Variants in PTPN11 observed in about 807,000 individuals in gnomAD.
PTPN11 encodes the protein protein tyrosine phosphatase non-receptor type 11, also known as tyrosine-protein phosphatase non-receptor type 11.
In PTPN11, 6 loss-of-function variants were observed where a neutral mutation model predicts 78.8. That is an observed-to-expected ratio of 0.08 (90% CI 0.04 to 0.15). The LOEUF (loss-of-function observed/expected upper bound fraction) is 0.15, where lower values mean the gene tolerates loss of function less well. Among genes scored for constraint, PTPN11 ranks in the 10% least tolerant of loss-of-function variants. The pLI, the probability that PTPN11 is intolerant of heterozygous loss-of-function variation, is 1.00. For synonymous variants in PTPN11, 221 were observed against 263.5 expected (o/e 0.84, Z 1.56); for missense variants, 386 against 744.8 (o/e 0.52, Z 5.61).
In PTPN11 at chr12:112,477,695, C is replaced by T. The variant is rs888674339; in HGVS notation, c.898C>T (p.Pro300Ser). ...VVLHDGDPNE[P>S]VSDYINANII... Reference sequence around the variant, plus strand: ...CCTACACGATGGTGATCCCAATGAGCCTGTTTCAGATTACATCAATGCAAA... The same window carrying T: ...CCTACACGATGGTGATCCCAATGAGTCTGTTTCAGATTACATCAATGCAAA... Residue 300 changes from proline (P) to serine (S), a missense_variant, in exon 8 of 16, where the codon CCT becomes TCT. Physicochemically the swap from Pro to Ser is moderately conservative, Grantham distance 74 (BLOSUM62 -1). This residue lies in a region of PTPN11 where 279 missense variants were observed against 503.3 expected (regional missense o/e 0.55). Coordinates refer to ENST00000351677, the MANE Select transcript of PTPN11 (RefSeq NM_002834.5). 6.2e-7 allele frequency: 1 copy of T among 1,613,432 alleles called. No homozygotes were observed. The highest frequency in any genetic ancestry group is 8.5e-7 in the Non-Finnish European group (1 of 1,179,544).
At chr12:112,455,899 C>T (rs374084684) in intron 5 of PTPN11, 51 bp from the exon 6 acceptor site, 47 of 1,071,392 alleles carry the variant, frequency 4.4e-5, no homozygotes, top group Admixed American at 4.0e-4. Context: ...GCATTAACAC[C>T]GTTTTCTGTA....
intron 7 of PTPN11, 119 bp downstream of exon 7, chr12:112,473,159 T>C (rs1452636647): frequency 1.2e-6 from 1 of 809,590 alleles, no homozygotes; most frequent in Non-Finnish European, 2.1e-6. Flanking sequence ...TTAGCTTCTT[T>C]AATTGCAAGC....
intron 2 of PTPN11, among the ~76,000 whole-genome samples, chr12:112,447,350 G>A (rs988492175): frequency 1.1e-4 from 17 of 151,950 alleles, no homozygotes; most frequent in African/African-American, 3.6e-4. Context: ...CTTCCTGAAC[G>A]TGTTTTTATA....
At position 112,504,690 on chromosome 12, in the gene PTPN11, T is replaced by A. The variant is rs876657964; in HGVS notation, c.1713-5T>A. ...TAAATGTCTTTCTTTTTCTTTTCTC[T>A]CCAGAATGAGAGAAGACAGTGCTAG... On this transcript the variant is annotated splice_polypyrimidine_tract_variant and splice_region_variant and intron_variant, in intron 14 of 15. Coordinates refer to ENST00000351677, the MANE Select transcript of PTPN11 (RefSeq NM_002834.5). The surrounding 1 kb of genome is among the most constrained non-coding windows in gnomAD (Gnocchi z 4.7). The A allele has an allele frequency of 1.9e-6, 3 of 1,562,832 alleles. No individual in the cohort carries two copies. The African/African-American group carries it at 4.1e-5, about 21-fold the overall frequency.
chr12:112,487,163 C>G (rs1226423006), intron 11 of PTPN11, among the ~76,000 whole-genome samples: 1 of 146,352 alleles, frequency 6.8e-6, no homozygotes, highest in African/African-American at 2.5e-5. Flanking sequence ...GAGACAGAGT[C>G]TTGTTTTGTT....
chr12:112,471,545 G>A (rs1263633610), intron 6 of PTPN11, among the ~76,000 whole-genome samples: 1 of 151,264 alleles, frequency 6.6e-6, no homozygotes, highest in African/African-American at 2.4e-5. Context: ...ATAGATCACA[G>A]CTGTTATTTG....
intron 10 of PTPN11, among the ~76,000 whole-genome samples, chr12:112,485,767 A>G (rs1183329042): frequency 6.6e-6 from 1 of 152,158 alleles, no homozygotes; most frequent in Non-Finnish European, 1.5e-5. Context: ...ACCTGAGGTC[A>G]GGAGTTTGCA....
intron 13 of PTPN11, among the ~76,000 whole-genome samples, chr12:112,494,444 A>G (rs140979880): frequency 1.3e-5 from 2 of 152,050 alleles, no homozygotes; most frequent in East Asian, 1.9e-4. Flanking sequence ...ATTCATGTCT[A>G]TCAGAATGGG....
chr12:112,487,519 A>G lies in PTPN11; in HGVS notation c.1379+890A>G, dbSNP rs192874473. On this transcript the variant is annotated intron_variant, in intron 11 of 15. Transcript: ENST00000351677. ...CAAGATTCCAGCTGCTTTTCCACCAAGGCCTTTGATGGAAGCTGTGCTGTG... is the reference window on the plus strand; with the variant it reads ...CAAGATTCCAGCTGCTTTTCCACCAGGGCCTTTGATGGAAGCTGTGCTGTG... 2.3e-3 allele frequency among the ~76,000 whole-genome samples: 354 copies of G among 152,170 alleles called. 1 individual carries two copies. The highest frequency in any genetic ancestry group is 7.9e-3 in the African/African-American group (326 of 41,510).
At chr12:112,462,134 G>A (rs2038257192) in intron 6 of PTPN11, among the ~76,000 whole-genome samples, 1 of 152,152 alleles carries the variant, frequency 6.6e-6, no homozygotes, top group East Asian at 1.9e-4. Flanking sequence ...AAGAAGGGAG[G>A]ATCGCTGGAC....
intron 1 of PTPN11, among the ~76,000 whole-genome samples, chr12:112,429,077 C>G (rs2135831963): frequency 6.6e-6 from 1 of 152,286 alleles, no homozygotes. Context: ...AATGTAGAGA[C>G]AGCTCCAGAG....
rs758194931 is a variant in PTPN11 at position 112,453,294 on chromosome 12, T to C, written c.432T>C (p.Pro144=). 2 of 1,614,024 alleles carry C rather than the reference T, an allele frequency of 1.2e-6. No homozygotes were observed. Among genetic ancestry groups the C allele is most frequent in the Non-Finnish European group, 1.7e-6 (2 of 1,180,004 alleles). ...TTGTACGAGAGAGCCAGAGCCACCC[T>C]GGAGATTTTGTTCTTTCTGTGCGCA... ...SFLVRESQSH[P]GDFVLSVRTG... is the part of the protein sequence containing the mutation. Residue 144 remains proline (P), a synonymous_variant, in exon 4 of 16, where the codon CCT becomes CCC. Coordinates refer to ENST00000351677, the MANE Select transcript of PTPN11 (RefSeq NM_002834.5).
At chr12:112,456,888 T>G (rs1205569627) in intron 6 of PTPN11, among the ~76,000 whole-genome samples, 2 of 152,182 alleles carry the variant, frequency 1.3e-5, no homozygotes, top group African/African-American at 4.8e-5. Context: ...GAGTTCAAAT[T>G]GATAACTCTG....
chr12:112,448,288 G>A (rs951202597), intron 2 of PTPN11, among the ~76,000 whole-genome samples: 1 of 150,302 alleles, frequency 6.7e-6, no homozygotes, highest in Non-Finnish European at 1.5e-5. Flanking sequence ...TTGGCTCACC[G>A]CAACCTCCAC....
chr12:112,448,541 G>A (rs1403093237), intron 2 of PTPN11, among the ~76,000 whole-genome samples: 3 of 151,976 alleles, frequency 2.0e-5, no homozygotes, highest in Non-Finnish European at 4.4e-5. Flanking sequence ...ATAAAAATAA[G>A]CAAATTAATA....
intron 1 of PTPN11, among the ~76,000 whole-genome samples, chr12:112,424,132 A>G (rs2037567889): frequency 1.3e-5 from 2 of 152,154 alleles, no homozygotes; most frequent in African/African-American, 4.8e-5. Context: ...CTATCCATTC[A>G]TTGAAGAATT....
intron 6 of PTPN11, among the ~76,000 whole-genome samples, chr12:112,471,474 G>A (rs1592842509): frequency 6.8e-6 from 1 of 147,464 alleles, no homozygotes; most frequent in Non-Finnish European, 1.5e-5. Context: ...GAGAGAGAGA[G>A]AGAGAGAGAG....
At chr12:112,478,093 G>T in intron 9 of PTPN11, 78 bp downstream of exon 9, 4 of 1,496,184 alleles carry the variant, frequency 2.7e-6, no homozygotes, top group South Asian at 1.2e-5. Context: ...TTTAGGAATT[G>T]AATAAATGAA....
At chr12:112,497,495 C>T (rs992747595) in intron 13 of PTPN11, among the ~76,000 whole-genome samples, 4 of 152,166 alleles carry the variant, frequency 2.6e-5, no homozygotes, top group Admixed American at 6.5e-5. Flanking sequence ...AACATGAGGC[C>T]GTGCCCCTAT....
Sources: gnomAD v4.1 joint callset for allele counts (sites outside exome capture counted in the v4.1 genomes callset) on GRCh38, gnomAD v4.1.1 for gene constraint, gnomAD v4.1.1 regional missense constraint, Gnocchi (gnomAD v3.1) non-coding constraint, MANE v1.5 for transcripts, NCBI Gene and HGNC (gene_info 2026-07-23, HGNC 2026-07-21) for gene names.